TANC1: variants seen among roughly 807,000 people sequenced by gnomAD.
The protein encoded by TANC1 is tetratricopeptide repeat, ankyrin repeat and coiled-coil containing 1, also known as protein TANC1.
In TANC1, 77 loss-of-function variants were observed where a neutral mutation model predicts 149.7. That is an observed-to-expected ratio of 0.51 (90% CI 0.43 to 0.62). The LOEUF (loss-of-function observed/expected upper bound fraction) is 0.62. TANC1 is among the 20% of genes least tolerant of loss of function. The pLI, the probability that TANC1 is intolerant of heterozygous loss-of-function variation, is 0.00. For synonymous variants in TANC1, 854 were observed against 925.0 expected (o/e 0.92, Z 1.39); for missense variants, 1,985 against 2,321.8 (o/e 0.85, Z 2.98).
chr2:159,196,599 TG>T lies in TANC1; in HGVS notation c.2980-8del. The T allele has an allele frequency of 6.3e-7, 1 of 1,591,524 alleles. No homozygotes were observed. Among genetic ancestry groups the T allele is most frequent in the Non-Finnish European group, 8.6e-7 (1 of 1,165,706 alleles). ...CTCAGCTGTAACCTTCCCCTACTCC[TG>T]CCCCCAGGTGGACCACTTGGATAAG... is the stretch of plus-strand genomic sequence containing the variant. On this transcript the variant is annotated splice_region_variant and splice_polypyrimidine_tract_variant and intron_variant, in intron 17 of 26. Transcript: ENST00000263635.
intron 19 of TANC1, among the ~76,000 whole-genome samples, chr2:159,211,445 G>T (rs1190454366): frequency 6.6e-6 from 1 of 152,168 alleles, no homozygotes; most frequent in African/African-American, 2.4e-5. Flanking sequence ...CCATAGCAAG[G>T]CATTCTCTTC....
intron 2 of TANC1, 62 bp from the exon 3 acceptor site, chr2:159,065,834 C>T (rs1428544771): frequency 2.6e-5 from 36 of 1,385,636 alleles, no homozygotes; most frequent in Non-Finnish European, 3.4e-5. Flanking sequence ...TTTGTCAAGA[C>T]ACAAGTTATA....
At chr2:159,065,419 A>G (rs1559192223) in intron 2 of TANC1, among the ~76,000 whole-genome samples, 1 of 152,250 alleles carries the variant, frequency 6.6e-6, no homozygotes, top group Non-Finnish European at 1.5e-5. Flanking sequence ...GCCTCATTTC[A>G]TAACCTTCCA....
At chr2:159,075,238 A>G (rs2043542077) in intron 3 of TANC1, among the ~76,000 whole-genome samples, 1 of 152,164 alleles carries the variant, frequency 6.6e-6, no homozygotes, top group Non-Finnish European at 1.5e-5. Flanking sequence ...TCAGTATTTG[A>G]ATCCATGCCT....
chr2:159,037,568 C>T (rs899070560), intron 2 of TANC1, among the ~76,000 whole-genome samples: 4 of 152,216 alleles, frequency 2.6e-5, no homozygotes, highest in Non-Finnish European at 4.4e-5. Flanking sequence ...CAGCTTTCTA[C>T]ATATGGCTAG....
At chr2:159,158,410 A>G (rs917602452) in intron 7 of TANC1, among the ~76,000 whole-genome samples, 7 of 152,158 alleles carry the variant, frequency 4.6e-5, no homozygotes, top group African/African-American at 1.7e-4. Flanking sequence ...AGTGGGACTT[A>G]GGGCATTCTG....
intron 10 of TANC1, among the ~76,000 whole-genome samples, chr2:159,171,856 TA>T (rs1167819599): frequency 2.4e-4 from 4 of 16,886 alleles, no homozygotes; most frequent in Admixed American, 1.5e-3. Flanking sequence ...GACTCCGCCT[TA>T]AAAAAAAAAA....
At chr2:159,116,966 A>C (rs1444486249) in intron 4 of TANC1, among the ~76,000 whole-genome samples, 1 of 152,150 alleles carries the variant, frequency 6.6e-6, no homozygotes, top group African/African-American at 2.4e-5. Flanking sequence ...GGTCATTTTC[A>C]CTTTACTTCA....
intron 22 of TANC1, among the ~76,000 whole-genome samples, chr2:159,220,221 A>G (rs2059614932): frequency 6.6e-6 from 1 of 151,810 alleles, no homozygotes; most frequent in Non-Finnish European, 1.5e-5. Context: ...TGCATAGATC[A>G]TTTAGAAACT....
At chr2:159,211,734 A>C (rs879440977) in intron 19 of TANC1, among the ~76,000 whole-genome samples, 4 of 152,256 alleles carry the variant, frequency 2.6e-5, no homozygotes, top group Non-Finnish European at 5.9e-5. Context: ...CAATCTGCTT[A>C]GAAAAAGGAA....
intron 1 of TANC1, among the ~76,000 whole-genome samples, chr2:158,983,487 A>AAAAAAAAAAAAAAAC (rs2034648273): frequency 2.1e-5 from 3 of 146,014 alleles, no homozygotes; most frequent in African/African-American, 7.5e-5. Flanking sequence ...AAAAAAAAAA[A>AAAAAAAAAAAAAAAC]CACCAAACAA....
intron 4 of TANC1, among the ~76,000 whole-genome samples, chr2:159,115,794 A>G (rs1353806892): frequency 6.6e-6 from 1 of 152,140 alleles, no homozygotes; most frequent in Admixed American, 6.5e-5. Context: ...TTTAATTTTC[A>G]TAGTATTTCC....
intron 2 of TANC1, among the ~76,000 whole-genome samples, chr2:159,041,575 G>A (rs927373305): frequency 6.6e-6 from 1 of 152,258 alleles, no homozygotes; most frequent in African/African-American, 2.4e-5. Context: ...CTCTGTGGGA[G>A]CGGGACCCGC....
At chr2:158,987,754 CTG>C (rs2035177150) in intron 1 of TANC1, among the ~76,000 whole-genome samples, 1 of 152,078 alleles carries the variant, frequency 6.6e-6, no homozygotes, top group African/African-American at 2.4e-5. Context: ...CCTCCCTGAG[CTG>C]TTTTCTGTGA....
chr2:158,987,730 G>T (rs2035173219), intron 1 of TANC1, among the ~76,000 whole-genome samples: 1 of 152,134 alleles, frequency 6.6e-6, no homozygotes, highest in Non-Finnish European at 1.5e-5. Context: ...TATGACCCTG[G>T]ACAGGTTACA....
At chr2:159,004,743 C>A (rs563993130) in intron 2 of TANC1, among the ~76,000 whole-genome samples, 111 of 151,934 alleles carry the variant, frequency 7.3e-4, no homozygotes, top group African/African-American at 2.0e-3. Flanking sequence ...ACAAAAAAAA[C>A]CAATATTTGC....
intron 2 of TANC1, among the ~76,000 whole-genome samples, chr2:159,009,853 C>CT (rs976993742): frequency 6.6e-6 from 1 of 151,440 alleles, no homozygotes; most frequent in Non-Finnish European, 1.5e-5. Flanking sequence ...ACATATCCCA[C>CT]TGTACCCTCT....
At chr2:159,036,827 C>T (rs1039671226) in intron 2 of TANC1, among the ~76,000 whole-genome samples, 7 of 152,190 alleles carry the variant, frequency 4.6e-5, no homozygotes, top group Non-Finnish European at 7.3e-5. Flanking sequence ...CATACATGTG[C>T]ATGTGTCTTT....
At position 159,091,961 on chromosome 2, in the gene TANC1, T is replaced by TGGGG. The variant is rs369325870; in HGVS notation, c.62-5676_62-5675insGGGG. On this transcript the variant is annotated intron_variant, in intron 3 of 26. Transcript: ENST00000263635. ...GAAATCTTTCAGTTTTCTGTAAATA[T>TGGGG]AGGGGGGGGTGTGTGTGTGTATGTA... 1.1e-3 allele frequency among the ~76,000 whole-genome samples: 147 copies of TGGGG among 135,842 alleles called. 1 individual carries two copies. The highest frequency in any genetic ancestry group is 6.1e-3 in the South Asian group (26 of 4,296). The allele number at this position is 135,842 out of a possible 152,430, so 89.1% of individuals were successfully genotyped here. A position where few individuals can be genotyped will look rare whatever the true frequency, so the allele number is the denominator to read the frequency against.
Sources: allele counts gnomAD v4.1 joint callset (sites outside exome capture counted in the v4.1 genomes callset), GRCh38; gene constraint gnomAD v4.1.1; transcripts MANE v1.5; gene names NCBI Gene and HGNC (gene_info 2026-07-23, HGNC 2026-07-21).